The following STRA8 variants were observed in gnomAD, a reference collection of about 807,000 sequenced individuals.
The protein encoded by STRA8 is stimulated by retinoic acid gene 8 protein homolog.
In STRA8, 18 loss-of-function variants were observed where a neutral mutation model predicts 37.1. The observed-to-expected ratio is 0.48, with a 90% CI of 0.34 to 0.72. STRA8 has a LOEUF of 0.72. Ranked by LOEUF, STRA8 falls within the 30% of genes least tolerant of loss-of-function variation. The probability of loss-of-function intolerance (pLI) is 0.01; values close to 1 mark genes in which losing one functional copy is unlikely to be tolerated. For synonymous variants in STRA8, 168 were observed against 162.9 expected (o/e 1.03, Z -0.24); for missense variants, 357 against 410.4 (o/e 0.87, Z 1.13).
rs367585806 is a variant in STRA8 at position 135,244,919 on chromosome 7, C to T, written c.354-369C>T. The stretch of plus-strand genomic sequence containing the variant: ...ATCAAGAGGGGAAACTGTCTTTTGC[C>T]ATTAAGCACGATGTTAGCGGTAGGT... On this transcript the variant is annotated intron_variant, in intron 4 of 8. Coordinates refer to ENST00000662584, the MANE Select transcript of STRA8 (RefSeq NM_001394401.1). Among the ~76,000 whole-genome samples the T allele has an allele frequency of 2.0e-5, 3 of 152,310 alleles. No homozygotes were observed. The East Asian group carries it at 5.8e-4, about 29-fold the overall frequency.
At chr7:135,251,721 T>C (rs1832636476) in intron 6 of STRA8, 75 bp from the exon 7 acceptor site, 3 of 1,467,942 alleles carry the variant, frequency 2.0e-6, no homozygotes, top group African/African-American at 2.8e-5. Context: ...TCCACTCATC[T>C]CTCCCCAGCA....
Position 135,246,589 on chromosome 7 carries a change from C to T in STRA8, c.766C>T (p.Pro256Ser). The T allele has an allele frequency of 6.5e-7, 1 of 1,541,240 alleles. No individual in the cohort carries two copies. Among genetic ancestry groups the T allele is most frequent in the Non-Finnish European group, 8.7e-7 (1 of 1,146,472 alleles). ...RQAWAQKHRG[P>S]ATLAEACREP... Reference sequence around the variant, plus strand: ...GGCCTGGGCGCAGAAGCACCGCGGCCCTGCGACCCTGGCGGAGGCCTGCCG... The same window carrying T: ...GGCCTGGGCGCAGAAGCACCGCGGCTCTGCGACCCTGGCGGAGGCCTGCCG... Residue 256 changes from proline to serine, a missense_variant, in exon 6 of 9, where the codon CCT becomes TCT. Physicochemically the swap from Pro to Ser is moderately conservative, Grantham distance 74. Coordinates refer to ENST00000662584, the MANE Select transcript of STRA8 (RefSeq NM_001394401.1). The surrounding 1 kb of genome is among the most constrained non-coding windows in gnomAD (Gnocchi z 5.4).
upstream of STRA8, chr7:135,232,077 A>AT (rs1182115113): frequency 1.3e-5 from 17 of 1,340,574 alleles, no homozygotes; most frequent in Middle Eastern, 2.0e-4. Flanking sequence ...CCAGGACTAC[A>AT]TTTTTTCTGG....
chr7:135,245,964 C>T (rs561215982), intron 5 of STRA8: 2 of 228,474 alleles, frequency 8.8e-6, no homozygotes, highest in Non-Finnish European at 1.7e-5. Context: ...GACTCAAAGC[C>T]CCTCAGCAGC....
intron 8 of STRA8, among the ~76,000 whole-genome samples, chr7:135,258,154 G>A (rs1172466460): frequency 1.3e-5 from 2 of 152,194 alleles, no homozygotes; most frequent in Non-Finnish European, 2.9e-5. Flanking sequence ...GTGGGAACCT[G>A]GAAATCCCCA....
chr7:135,244,199 C>CA (rs1398435681), intron 4 of STRA8, among the ~76,000 whole-genome samples: 4 of 152,216 alleles, frequency 2.6e-5, no homozygotes, highest in African/African-American at 9.7e-5. Flanking sequence ...GCTGGGATTA[C>CA]AGGCGCCTGC....
rs1832449599 is a variant in STRA8, at chr7:135,240,657, G to A, written c.133G>A (p.Ala45Thr). 1.2e-6 allele frequency: 2 copies of A among 1,614,032 alleles called. No homozygotes were observed. Among genetic ancestry groups the A allele is most frequent in the Non-Finnish European group, 1.7e-6 (2 of 1,180,046 alleles). ...GGCCCGCCACCGAGCCACCCTGGCA[G>A]CGCTCTTCAACAACCTCAGGAAGAC... ...SQARHRATLA[A>T]LFNNLRKTVY... is the part of the protein sequence containing the mutation. The change falls in exon 2 of 9, where the codon GCG becomes ACG. Residue 45 changes from alanine (A) to threonine (T), a missense_variant. By Grantham distance (58) the Ala-to-Thr change is moderately conservative. Coordinates refer to ENST00000662584, the MANE Select transcript of STRA8 (RefSeq NM_001394401.1).
intron 1 of STRA8, among the ~76,000 whole-genome samples, chr7:135,236,962 G>A (rs1832386861): frequency 6.6e-6 from 1 of 152,146 alleles, no homozygotes; most frequent in Non-Finnish European, 1.5e-5. Flanking sequence ...TGACACACAG[G>A]TGCCGATCAA....
At chr7:135,251,960 G>A (rs1832641013) in intron 7 of STRA8, 91 bp downstream of exon 7, 2 of 1,218,246 alleles carry the variant, frequency 1.6e-6, no homozygotes, top group African/African-American at 1.5e-5. Flanking sequence ...GTTTGCATGT[G>A]CATGAATGTG....
chr7:135,235,465 G>A (rs1832361216), intron 1 of STRA8, among the ~76,000 whole-genome samples: 1 of 134,374 alleles, frequency 7.4e-6, no homozygotes, highest in Non-Finnish European at 1.6e-5. Context: ...TTTTAAGACA[G>A]AGTTTCACTC....
chr7:135,250,525 A>G (rs545999021), intron 6 of STRA8, among the ~76,000 whole-genome samples: 30 of 152,276 alleles, frequency 2.0e-4, no homozygotes, highest in Middle Eastern at 3.4e-3. Context: ...GTCCCAAGGG[A>G]TTCAGTTCCA....
intron 6 of STRA8, among the ~76,000 whole-genome samples, chr7:135,249,620 C>G (rs1832611169): frequency 6.6e-6 from 1 of 152,184 alleles, no homozygotes; most frequent in South Asian, 2.1e-4. Flanking sequence ...TATATGCCAT[C>G]TAGGTTTGCA....
rs376827665 is a variant in STRA8 at position 135,255,179 on chromosome 7, T to C, written c.1019T>C (p.Ile340Thr). 33 of 1,613,946 alleles carry C rather than the reference T, an allele frequency of 2.0e-5. No homozygotes were observed. In the Admixed American group the frequency reaches 3.8e-4, roughly 19 times the overall value. Reference sequence around the variant, plus strand: ...AAGTTTCAGCTCTATATGCAGATCATCAACTTTTTTAAAGGCCTTAGCTGT... The same window carrying C: ...AAGTTTCAGCTCTATATGCAGATCACCAACTTTTTTAAAGGCCTTAGCTGT... ...EEKFQLYMQI[I>T]NFFKGLSCAN... The change falls in exon 8 of 9, where the codon ATC becomes ACC. Residue 340 changes from isoleucine to threonine, a missense_variant. Transcript: ENST00000662584.
At chr7:135,237,403 ATAGT>A (rs1562968268) in intron 1 of STRA8, among the ~76,000 whole-genome samples, 1 of 152,154 alleles carries the variant, frequency 6.6e-6, no homozygotes, top group Non-Finnish European at 1.5e-5. Context: ...CATTTTTACA[ATAGT>A]TAGCTCCCCC....
At chr7:135,232,769 A>G (rs1214311384), upstream of STRA8, among the ~76,000 whole-genome samples, 1 of 152,152 alleles carries the variant, frequency 6.6e-6, no homozygotes, top group Non-Finnish European at 1.5e-5. Flanking sequence ...CAGGTACCCT[A>G]CTGCGTGCTT....
At position 135,246,652 on chromosome 7, in the gene STRA8, G is replaced by A; in HGVS notation, c.829G>A (p.Gly277Ser). The change falls in exon 6 of 9, where the codon GGC becomes AGC. Residue 277 changes from glycine (G) to serine (S), a missense_variant. By Grantham distance (56) the Gly-to-Ser change is moderately conservative (BLOSUM62 0). Coordinates refer to ENST00000662584, the MANE Select transcript of STRA8 (RefSeq NM_001394401.1). This position sits in a 1 kb window ranked among gnomAD's most constrained non-coding sequence, Gnocchi z 5.4. The part of the protein sequence containing the change: ...ACAEGSVKDS[G>S]VDSQGASCSL... The stretch of plus-strand genomic sequence containing the variant: ...TGCCGAGGGCAGCGTGAAGGACAGC[G>A]GCGTGGACAGCCAGGGGGCCAGCTG... 3.9e-6 allele frequency: 6 copies of A among 1,535,154 alleles called. No homozygotes were observed. Among genetic ancestry groups the A allele is most frequent in the Non-Finnish European group, 4.4e-6 (5 of 1,145,688 alleles).
chr7:135,242,250 G>C (rs1053550527), intron 2 of STRA8, among the ~76,000 whole-genome samples: 1 of 150,110 alleles, frequency 6.7e-6, no homozygotes, highest in African/African-American at 2.4e-5. Context: ...GAGGGAGGGA[G>C]GGAAAAAGGG....
chr7:135,246,819 C>G lies in STRA8; in HGVS notation c.879+117C>G, dbSNP rs1832565683. The G allele has an allele frequency of 9.2e-7, 1 of 1,092,774 alleles. No individual in the cohort carries two copies. The highest frequency in any genetic ancestry group is 1.8e-5 in the South Asian group (1 of 55,670). 67.7% of individuals were successfully genotyped at this position (1,092,774 alleles called of 1,614,324 possible). A position where few individuals can be genotyped will look rare whatever the true frequency, so the allele number is the denominator to read the frequency against. ...GAGGTGCAGTTTGCCTTCTGGCTCC[C>G]AAGGTCGGTTTCTGATTTTCTTTTT... On this transcript the variant is annotated intron_variant, in intron 6 of 8. Coordinates refer to ENST00000662584, the MANE Select transcript of STRA8 (RefSeq NM_001394401.1). This position sits in a 1 kb window ranked among gnomAD's most constrained non-coding sequence, Gnocchi z 5.4.
At chr7:135,243,957 G>A (rs1832507608) in intron 4 of STRA8, among the ~76,000 whole-genome samples, 1 of 152,230 alleles carries the variant, frequency 6.6e-6, no homozygotes, top group Admixed American at 6.5e-5. Context: ...CACAAATGCT[G>A]AAAGGGGAAC....
Sources: allele counts gnomAD v4.1 joint callset (sites outside exome capture counted in the v4.1 genomes callset), GRCh38; gene constraint gnomAD v4.1.1; non-coding constraint Gnocchi (gnomAD v3.1); transcripts MANE v1.5; gene names NCBI Gene and HGNC (gene_info 2026-07-23, HGNC 2026-07-21).